The following ANLN variants were observed in gnomAD, a reference collection of about 807,000 sequenced individuals.
ANLN encodes anillin.
In ANLN, 59 loss-of-function variants were observed where a neutral mutation model predicts 135.1. The ratio of observed to expected loss-of-function variants is 0.44; its 90% confidence interval spans 0.35 to 0.54. The LOEUF (loss-of-function observed/expected upper bound fraction) is 0.54, where lower values mean the gene tolerates loss of function less well. Ranked by LOEUF, ANLN falls within the 20% of genes least tolerant of loss-of-function variation. The probability of loss-of-function intolerance (pLI) is 0.00; values close to 1 mark genes in which losing one functional copy is unlikely to be tolerated. For synonymous variants in ANLN, 406 were observed against 456.4 expected (o/e 0.89, Z 1.41); for missense variants, 1,182 against 1,340.0 (o/e 0.88, Z 1.84).
rs752908729 is a variant in ANLN, at chr7:36,396,414, G to A, written c.167G>A (p.Gly56Asp). ...AGTAACCAGCAGCCCCTCTCTGGTG[G>A]TGAAGGTAAAAGACTTTGTGGGGAA... Reference protein sequence around the residue: ...EASNQQPLSGGEEKSCTKPSP... With the variant: ...EASNQQPLSGDEEKSCTKPSP... The change falls in exon 2 of 24, where the codon GGT becomes GAT. Residue 56 changes from glycine to aspartate, a missense_variant. Coordinates refer to ENST00000265748, the MANE Select transcript of ANLN (RefSeq NM_018685.5). The A allele has an allele frequency of 1.3e-6, 2 of 1,571,922 alleles. No homozygotes were observed. The highest frequency in any genetic ancestry group is 3.6e-5 in the Admixed American group (2 of 55,810).
chr7:36,391,077 A>G (rs921018654), intron 1 of ANLN, among the ~76,000 whole-genome samples: 3 of 152,250 alleles, frequency 2.0e-5, no homozygotes, highest in Non-Finnish European at 4.4e-5. Flanking sequence ...GATTTCAGCA[A>G]TTAGAGTTTA....
In ANLN at chr7:36,448,187, T is replaced by C. The variant is rs186729281; in HGVS notation, c.3079-1478T>C. 6.3e-4 allele frequency among the ~76,000 whole-genome samples: 96 copies of C among 152,184 alleles called. No individual in the cohort carries two copies. In the East Asian group the frequency reaches 8.9e-3, roughly 14 times the overall value. On this transcript the variant is annotated intron_variant, in intron 22 of 23. Transcript: ENST00000265748. ...CGCCACCACGCACGGCTAGTTTTTG[T>C]ATTTTCAGTAGAGATGGGGTTTCAC...
intron 7 of ANLN, among the ~76,000 whole-genome samples, chr7:36,413,495 C>T (rs1273187895): frequency 2.6e-5 from 4 of 152,200 alleles, no homozygotes; most frequent in Admixed American, 2.6e-4. Flanking sequence ...CTGCCAGTGT[C>T]TCTAGAAAGT....
At position 36,439,233 on chromosome 7, in the gene ANLN, T is replaced by C. The variant is rs1249670638; in HGVS notation, c.2913T>C (p.His971=). 3 of 1,597,016 alleles carry C rather than the reference T, an allele frequency of 1.9e-6. No individual in the cohort carries two copies. In the Admixed American group the frequency reaches 5.1e-5, roughly 27 times the overall value. ...KVPFLSSLEG[H]IYLKIKCQVN... is the part of the protein sequence containing the mutation. ...CCTTTTTATCTTCTTTGGAAGGTCA[T>C]ATTTATTTAAAAATAAAATGTCAAG... Residue 971 remains histidine (H), a synonymous_variant, in exon 21 of 24, where the codon CAT becomes CAC. Coordinates refer to ENST00000265748, the MANE Select transcript of ANLN (RefSeq NM_018685.5).
At chr7:36,425,296 T>C (rs200962372) in intron 17 of ANLN, among the ~76,000 whole-genome samples, 2 of 148,048 alleles carry the variant, frequency 1.4e-5, no homozygotes, top group East Asian at 3.9e-4. Flanking sequence ...ACTCATTCTT[T>C]TTTTTTTTTT....
In ANLN at chr7:36,419,272, G is replaced by T; in HGVS notation, c.1662G>T (p.Val554=). The change falls in exon 10 of 24, where the codon GTG becomes GTT. Residue 554 remains valine (V), a synonymous_variant. Coordinates refer to ENST00000265748, the MANE Select transcript of ANLN (RefSeq NM_018685.5). The part of the protein sequence containing the change: ...IEVIREIEMS[V]DDDDINSSKV... ...TGATACGTGAAATTGAGATGAGTGT[G>T]GATGATGATGATATCAATAGTTCGA... The T allele has an allele frequency of 6.2e-7, 1 of 1,613,690 alleles. No homozygotes were observed. Among genetic ancestry groups the T allele is most frequent in the South Asian group, 1.1e-5 (1 of 91,030 alleles).
chr7:36,421,609 C>T (rs775217945), intron 12 of ANLN, among the ~76,000 whole-genome samples: 12 of 151,814 alleles, frequency 7.9e-5, no homozygotes, highest in Non-Finnish European at 1.5e-4. Flanking sequence ...TGGATGTAAC[C>T]CCAATTTTAA....
Position 36,389,973 on chromosome 7 carries a change from C to A in ANLN, c.-54C>A. 1.2e-6 allele frequency: 2 copies of A among 1,614,072 alleles called. No homozygotes were observed. Among genetic ancestry groups the A allele is most frequent in the Non-Finnish European group, 1.7e-6 (2 of 1,179,958 alleles). ...ACACTGAGCTGAGACTCACTTTTCTCTTCCTGAATTTGAACCACCGTTTCC... is the reference window on the plus strand; with the variant it reads ...ACACTGAGCTGAGACTCACTTTTCTATTCCTGAATTTGAACCACCGTTTCC... On this transcript the variant is annotated 5_prime_UTR_variant, in exon 1 of 24. Transcript: ENST00000265748.
chr7:36,435,985 T>G (rs1233967202), intron 20 of ANLN, among the ~76,000 whole-genome samples: 2 of 149,942 alleles, frequency 1.3e-5, no homozygotes, highest in African/African-American at 2.5e-5. Context: ...GTAACCAAAG[T>G]AACAATTTTA....
intron 20 of ANLN, among the ~76,000 whole-genome samples, chr7:36,433,420 T>TA (rs1788407351): frequency 6.6e-6 from 1 of 151,888 alleles, no homozygotes. Context: ...TTTATGGCTT[T>TA]AATTGTTTCT....
chr7:36,424,443 G>T (rs562067718), intron 15 of ANLN, 102 bp from the exon 16 acceptor site: 2 of 918,822 alleles, frequency 2.2e-6, no homozygotes, highest in Non-Finnish European at 3.2e-6. Context: ...AGTCATAGTG[G>T]ATTCCTTTAC....
At chr7:36,428,351 C>G (rs955864432) in intron 20 of ANLN, 3 of 1,282,246 alleles carry the variant, frequency 2.3e-6, no homozygotes, top group Non-Finnish European at 3.0e-6. Flanking sequence ...GCTATTTGTT[C>G]CAGGAAAAGG....
At chr7:36,442,141 TC>T (rs1788800258) in intron 21 of ANLN, among the ~76,000 whole-genome samples, 1 of 152,234 alleles carries the variant, frequency 6.6e-6, no homozygotes, top group Admixed American at 6.5e-5. Context: ...TATCCTATTG[TC>T]ATAGGGTTGG....
intron 9 of ANLN, among the ~76,000 whole-genome samples, chr7:36,418,739 T>C (rs2116647811): frequency 6.7e-6 from 1 of 149,098 alleles, no homozygotes; most frequent in South Asian, 2.1e-4. Context: ...TCATTTCTTT[T>C]TCTTTTTCTT....
chr7:36,452,719 T>G lies in ANLN; in HGVS notation c.*119T>G, dbSNP rs1171193382. On this transcript the variant is annotated 3_prime_UTR_variant, in exon 24 of 24. Transcript: ENST00000265748. The stretch of plus-strand genomic sequence containing the variant: ...AAGTACGAAAGGGTTTGTGCCAATA[T>G]TCACTACGTATTATGCAGTATTTAT... 6 of 1,174,360 alleles carry G rather than the reference T, an allele frequency of 5.1e-6. No homozygotes were observed. In the African/African-American group the frequency reaches 6.1e-5, roughly 12 times the overall value. The allele number at this position is 1,174,360 out of a possible 1,614,324, so 72.7% of individuals were successfully genotyped here. A position where few individuals can be genotyped will look rare whatever the true frequency, so the allele number is the denominator to read the frequency against.
chr7:36,424,103 A>G (rs971519862), intron 15 of ANLN, among the ~76,000 whole-genome samples, 160 bp downstream of exon 15: 1 of 152,122 alleles, frequency 6.6e-6, no homozygotes, highest in South Asian at 2.1e-4. Context: ...GCTTTAACTC[A>G]TATGTTTCTA....
At chr7:36,390,202 G>C in intron 1 of ANLN, 158 bp downstream of exon 1, 2 of 1,231,124 alleles carry the variant, frequency 1.6e-6, no homozygotes, top group South Asian at 2.7e-5. Flanking sequence ...GCTGCGGCCT[G>C]CTGTGGTTGG....
intron 14 of ANLN, 25 bp from the exon 15 acceptor site, chr7:36,423,791 CT>C: frequency 6.3e-7 from 1 of 1,591,434 alleles, no homozygotes; most frequent in Non-Finnish European, 8.5e-7. Flanking sequence ...CTTGTGCTTA[CT>C]ATGTAATATG....
intron 10 of ANLN, among the ~76,000 whole-genome samples, chr7:36,419,746 A>G (rs190502952): frequency 1.2e-3 from 182 of 152,360 alleles, no homozygotes; most frequent in Non-Finnish European, 2.1e-3. Flanking sequence ...TTTATTGGTC[A>G]GGTTATTTAA....
Sources: allele counts gnomAD v4.1 joint callset (sites outside exome capture counted in the v4.1 genomes callset), GRCh38; gene constraint gnomAD v4.1.1; transcripts MANE v1.5; gene names NCBI Gene and HGNC (gene_info 2026-07-23, HGNC 2026-07-21).